The following CDH1 variants were observed in gnomAD, a reference collection of about 807,000 sequenced individuals.
CDH1 encodes cadherin-1.
CDH1 carries 35 observed loss-of-function variants against 84.5 expected under a neutral mutation model. The ratio of observed to expected loss-of-function variants is 0.41; its 90% CI spans 0.32 to 0.55. CDH1 has a LOEUF of 0.55. CDH1 is among the 20% of genes least tolerant of loss of function. The pLI, the probability that CDH1 is intolerant of heterozygous loss-of-function variation, is 0.19. For missense variants in CDH1, 994 were observed against 1,126.6 expected (o/e 0.88, Z 1.68); for synonymous variants, 417 against 439.0 (o/e 0.95, Z 0.63).
At chr16:68,794,287 T>A (rs557325282) in intron 2 of CDH1, among the ~76,000 whole-genome samples, 1 of 152,202 alleles carries the variant, frequency 6.6e-6, no homozygotes, top group East Asian at 1.9e-4. Context: ...GCAGTCCTCT[T>A]GCCTCTGCCT....
At chr16:68,826,617 A>C (rs1212275639) in intron 13 of CDH1, 1 of 152,132 alleles carries the variant, frequency 6.6e-6, no homozygotes, top group Non-Finnish European at 1.5e-5. Flanking sequence ...ATTACTAGAG[A>C]GACACCAGGA....
At chr16:68,828,116 T>A (rs2152141306) in intron 13 of CDH1, 58 bp from the exon 14 acceptor site, 1 of 1,605,784 alleles carries the variant, frequency 6.2e-7, no homozygotes, top group South Asian at 1.1e-5. Context: ...TAGCTGCTGC[T>A]TCTGGCCTTC....
intron 2 of CDH1, among the ~76,000 whole-genome samples, chr16:68,792,375 A>T (rs1233374280): frequency 2.6e-5 from 4 of 151,988 alleles, no homozygotes; most frequent in African/African-American, 9.7e-5. Flanking sequence ...GATTACAGGC[A>T]TGCGCCACCA....
At chr16:68,809,013 G>C in intron 5 of CDH1, 165 bp downstream of exon 5, 1 of 664,524 alleles carries the variant, frequency 1.5e-6, no homozygotes, top group Non-Finnish European at 2.6e-6. Context: ...ACGTGGGACA[G>C]TTTGGGGTTG....
chr16:68,770,625 G>C (rs1868868056), intron 2 of CDH1, among the ~76,000 whole-genome samples: 1 of 151,824 alleles, frequency 6.6e-6, no homozygotes, highest in Non-Finnish European at 1.5e-5. Context: ...AGTGGTGCAG[G>C]GCCCCTTTAG....
At chr16:68,832,593 G>A (rs1197266455) in intron 15 of CDH1, among the ~76,000 whole-genome samples, 1 of 152,180 alleles carries the variant, frequency 6.6e-6, no homozygotes, top group South Asian at 2.1e-4. Flanking sequence ...GCCGAGGCAG[G>A]TGGATCACCT....
intron 2 of CDH1, among the ~76,000 whole-genome samples, chr16:68,758,211 T>TC: frequency 8.5e-6 from 1 of 117,550 alleles, no homozygotes; most frequent in Non-Finnish European, 1.8e-5. Context: ...TTATTTCTTT[T>TC]TTTTTTTTTT....
chr16:68,829,359 G>C (rs1961414948), intron 14 of CDH1, among the ~76,000 whole-genome samples: 1 of 152,158 alleles, frequency 6.6e-6, no homozygotes, highest in South Asian at 2.1e-4. Context: ...GGTTGGGAGG[G>C]AGTGAATATT....
chr16:68,802,124 C>T (rs1016168602), intron 3 of CDH1, among the ~76,000 whole-genome samples: 2 of 152,210 alleles, frequency 1.3e-5, no homozygotes, highest in African/African-American at 4.8e-5. Flanking sequence ...TTGCCCATGG[C>T]CCCTGGGGGG....
chr16:68,748,463 G>A (rs759668137), intron 2 of CDH1, among the ~76,000 whole-genome samples: 2 of 152,198 alleles, frequency 1.3e-5, no homozygotes, highest in Non-Finnish European at 2.9e-5. Flanking sequence ...GTATATTTAT[G>A]GGGTACGTTC....
intron 2 of CDH1, among the ~76,000 whole-genome samples, chr16:68,745,549 A>AAAAT (rs1555510453): frequency 1.3e-5 from 1 of 75,180 alleles, no homozygotes; most frequent in African/African-American, 5.5e-5. Flanking sequence ...AAAAAAAAAA[A>AAAAT]ATATATATAT....
chr16:68,818,032 A>C (rs531420501), intron 10 of CDH1, among the ~76,000 whole-genome samples: 28 of 152,120 alleles, frequency 1.8e-4, no homozygotes, highest in Non-Finnish European at 4.0e-4. Flanking sequence ...TGAGGTCAGG[A>C]GATCGAGACT....
At chr16:68,826,334 A>T (rs1371911106) in intron 13 of CDH1, among the ~76,000 whole-genome samples, 1 of 151,726 alleles carries the variant, frequency 6.6e-6, no homozygotes. Context: ...TTTATTAGAG[A>T]TGGGTTCTCA....
Position 68,819,394 on chromosome 16 carries a change from G to T in CDH1, c.1680G>T (p.Thr560=), listed in dbSNP as rs35741240. 6.2e-7 allele frequency: 1 copy of T among 1,613,750 alleles called. No homozygotes were observed. Among genetic ancestry groups the T allele is most frequent in the Non-Finnish European group, 8.5e-7 (1 of 1,180,008 alleles). The part of the protein sequence containing the change: ...REDFEHVKNS[T]YTALIIATDN... ...ATTTTGAGCACGTGAAGAACAGCAC[G>T]TACACAGCCCTAATCATAGCTACAG... Residue 560 remains threonine (T), a synonymous_variant, in exon 11 of 16, where the codon ACG becomes ACT. Transcript: ENST00000261769.
At chr16:68,802,934 A>G (rs960564750) in intron 3 of CDH1, among the ~76,000 whole-genome samples, 1 of 152,132 alleles carries the variant, frequency 6.6e-6, no homozygotes, top group Non-Finnish European at 1.5e-5. Flanking sequence ...TCTGGCCCAT[A>G]CCAGGAACAG....
At chr16:68,795,361 A>G (rs963323000) in intron 2 of CDH1, among the ~76,000 whole-genome samples, 3 of 152,072 alleles carry the variant, frequency 2.0e-5, no homozygotes, top group Non-Finnish European at 2.9e-5. Context: ...ATTTTAAGAG[A>G]TGGGGTCTTA....
rs145430811 is a variant in CDH1, at chr16:68,808,429, C to T, written c.393C>T (p.Ser131=). 223 of 1,613,966 alleles carry T rather than the reference C, an allele frequency of 1.4e-4. No homozygotes were observed. The highest frequency in any genetic ancestry group is 1.8e-4 in the Non-Finnish European group (210 of 1,180,010). ...CTCATCTTCTTTCCTTTTAGGCCTCCGTTTCTGGAATCCAAGCAGAATTGC... is the reference window on the plus strand; with the variant it reads ...CTCATCTTCTTTCCTTTTAGGCCTCTGTTTCTGGAATCCAAGCAGAATTGC... ...HHHRPPPHQA[S]VSGIQAELLT... is the part of the protein sequence containing the mutation. Residue 131 remains serine, a synonymous_variant, in exon 4 of 16, where the codon TCC becomes TCT. Transcript: ENST00000261769.
chr16:68,811,889 G>A, intron 7 of CDH1, 30 bp downstream of exon 7: 2 of 1,612,446 alleles, frequency 1.2e-6, no homozygotes, highest in Non-Finnish European at 1.7e-6. Context: ...CAGAGGGTGT[G>A]GAGGACAAAT....
chr16:68,803,819 C>T (rs1241740969), intron 3 of CDH1, among the ~76,000 whole-genome samples: 2 of 151,802 alleles, frequency 1.3e-5, no homozygotes, highest in Admixed American at 6.6e-5. Context: ...CTCCAATTGT[C>T]GTGGTTTATG....
Sources: gnomAD v4.1 joint callset for allele counts (sites outside exome capture counted in the v4.1 genomes callset) on GRCh38, gnomAD v4.1.1 for gene constraint, MANE v1.5 for transcripts, NCBI Gene and HGNC (gene_info 2026-07-23, HGNC 2026-07-21) for gene names.